TBC1D14: variants seen among roughly 807,000 people sequenced by gnomAD.
The protein encoded by TBC1D14 is TBC1 domain family member 14.
In TBC1D14, 26 loss-of-function variants were observed where a neutral mutation model predicts 79.0. That is an observed-to-expected ratio of 0.33 (90% CI 0.24 to 0.46). The LOEUF is 0.46. Ranked by LOEUF, TBC1D14 falls within the 20% of genes least tolerant of loss-of-function variation. The pLI is 1.00. For synonymous variants in TBC1D14, 394 were observed against 349.9 expected (o/e 1.13, Z -1.40); for missense variants, 769 against 887.6 (o/e 0.87, Z 1.70).
chr4:7,011,807 C>G (rs1720802319), intron 11 of TBC1D14, among the ~76,000 whole-genome samples: 1 of 151,812 alleles, frequency 6.6e-6, no homozygotes, highest in South Asian at 2.1e-4. Context: ...ATCCACCTGC[C>G]TCGGCCTCCC....
intron 3 of TBC1D14, chr4:6,987,387 C>A: frequency 1.4e-6 from 2 of 1,396,262 alleles, no homozygotes; most frequent in Non-Finnish European, 9.4e-7. Flanking sequence ...TCCCTGCGCC[C>A]CAGGCCTGCC....
chr4:6,972,805 G>A (rs4234792), intron 3 of TBC1D14, among the ~76,000 whole-genome samples: 147,236 of 152,274 alleles, frequency 0.97, 71,386 homozygotes, highest in Middle Eastern at 1. Context: ...TCAGGCTGCC[G>A]CCCTGTCTCC....
At chr4:6,945,164 T>C (rs1280990897) in intron 2 of TBC1D14, among the ~76,000 whole-genome samples, 2 of 152,090 alleles carry the variant, frequency 1.3e-5, no homozygotes, top group Non-Finnish European at 1.5e-5. Flanking sequence ...ATTTTCCATG[T>C]GAAAGGAGAC....
intron 1 of TBC1D14, among the ~76,000 whole-genome samples, chr4:6,921,997 G>T (rs1002345416): frequency 3.3e-5 from 5 of 152,130 alleles, no homozygotes; most frequent in African/African-American, 9.7e-5. Context: ...GCCCGGCCAT[G>T]CCAGAGAACT....
At chr4:6,944,721 C>A (rs1199171717) in intron 2 of TBC1D14, among the ~76,000 whole-genome samples, 2 of 152,182 alleles carry the variant, frequency 1.3e-5, no homozygotes, top group African/African-American at 2.4e-5. Flanking sequence ...TTACAGAATG[C>A]GGGGATGTCC....
At chr4:7,019,374 C>T (rs545602999) in intron 12 of TBC1D14, among the ~76,000 whole-genome samples, 41 of 151,964 alleles carry the variant, frequency 2.7e-4, no homozygotes, top group Non-Finnish European at 4.9e-4. Context: ...GGGAGGTTTC[C>T]GTTTCTGCTG....
rs1351979116 is a variant in TBC1D14 at position 6,977,854 on chromosome 4, G to A, written c.843+10430G>A. Among the ~76,000 whole-genome samples the A allele has an allele frequency of 3.3e-5, 5 of 149,916 alleles. No homozygotes were observed. In the South Asian group the frequency reaches 8.5e-4, roughly 25 times the overall value. ...AAGTGAGGAGCGTCTCTGCCCGGCC[G>A]CCCATCGTCTGAGATGTGGGGAGCG... On this transcript the variant is annotated intron_variant, in intron 3 of 13. Transcript: ENST00000409757.
intron 3 of TBC1D14, among the ~76,000 whole-genome samples, chr4:6,989,717 C>T (rs539352090): frequency 4.1e-4 from 62 of 152,282 alleles, no homozygotes; most frequent in African/African-American, 1.4e-3. Context: ...TTCCACATGG[C>T]CCCTTCCCTC....
chr4:6,958,643 C>T (rs545734427), intron 2 of TBC1D14, among the ~76,000 whole-genome samples: 27 of 152,244 alleles, frequency 1.8e-4, no homozygotes, highest in African/African-American at 5.8e-4. Context: ...CTATGTTGCC[C>T]AGGCTATTCT....
intron 2 of TBC1D14, among the ~76,000 whole-genome samples, chr4:6,928,209 T>C (rs1438444253): frequency 6.6e-6 from 1 of 151,978 alleles, no homozygotes; most frequent in Non-Finnish European, 1.5e-5. Context: ...CCAGTGAAGG[T>C]GTGGGGCAGA....
rs890929547 is a variant in TBC1D14, at chr4:6,954,172, G to A, written c.723-13132G>A. On this transcript the variant is annotated intron_variant, in intron 2 of 13. Coordinates refer to ENST00000409757, the MANE Select transcript of TBC1D14 (RefSeq NM_020773.3). Reference sequence around the variant, plus strand: ...CAGCTTGCCTTCATCTGGCAGACGCGAGGGGCGGGGCTCCGAGTGCACCCA... The same window carrying A: ...CAGCTTGCCTTCATCTGGCAGACGCAAGGGGCGGGGCTCCGAGTGCACCCA... 53 of 646,472 alleles carry A rather than the reference G, an allele frequency of 8.2e-5. 1 individual carries two copies. The Admixed American group carries it at 1.1e-3, about 14-fold the overall frequency. 40.0% of individuals were successfully genotyped at this position (646,472 alleles called of 1,614,324 possible). A position where few individuals can be genotyped will look rare whatever the true frequency, so the allele number is the denominator to read the frequency against.
At position 6,978,157 on chromosome 4, in the gene TBC1D14, G is replaced by A. The variant is rs1348759158; in HGVS notation, c.843+10733G>A. 9.4e-3 allele frequency among the ~76,000 whole-genome samples: 1,423 copies of A among 150,622 alleles called. 8 individuals are homozygous for A. The highest frequency in any genetic ancestry group is 0.033 in the African/African-American group (1,335 of 40,506). On this transcript the variant is annotated intron_variant, in intron 3 of 13. Transcript: ENST00000409757. ...CCGCCCGGCTAGCCGCCCCGTCCGG[G>A]AGGTGAGGGGCGCCTCTGCCCGGCC...
chr4:6,925,647 T>C (rs1419847639), intron 2 of TBC1D14, among the ~76,000 whole-genome samples: 3 of 152,240 alleles, frequency 2.0e-5, no homozygotes. Context: ...CTTGGTACCA[T>C]GAGCACAGTT....
chr4:6,953,651 A>AAAAAAAC, intron 2 of TBC1D14, among the ~76,000 whole-genome samples: 1 of 149,930 alleles, frequency 6.7e-6, no homozygotes, highest in Non-Finnish European at 1.5e-5. Flanking sequence ...AAAAAAAAAA[A>AAAAAAAC]GAATAGATCA....
intron 3 of TBC1D14, among the ~76,000 whole-genome samples, chr4:6,976,257 G>T (rs1286239619): frequency 1.3e-5 from 2 of 152,102 alleles, no homozygotes; most frequent in South Asian, 2.1e-4. Context: ...GACAACTATT[G>T]GAGTAAATGA....
intron 2 of TBC1D14, among the ~76,000 whole-genome samples, chr4:6,936,722 C>T (rs777029880): frequency 3.8e-4 from 58 of 152,156 alleles, no homozygotes; most frequent in African/African-American, 1.3e-3. Context: ...TCCAAAGGGG[C>T]GATACCATTT....
intron 3 of TBC1D14, among the ~76,000 whole-genome samples, chr4:6,981,905 A>G (rs2109100113): frequency 6.6e-6 from 1 of 152,360 alleles, no homozygotes; most frequent in East Asian, 1.9e-4. Flanking sequence ...AAACAGCTAC[A>G]GCTAACATGC....
intron 1 of TBC1D14, among the ~76,000 whole-genome samples, chr4:6,913,801 G>A (rs1723184235): frequency 6.6e-6 from 1 of 152,154 alleles, no homozygotes; most frequent in African/African-American, 2.4e-5. Context: ...ATCACTAAGT[G>A]AAGCTGAAAC....
chr4:7,012,514 A>G (rs935413100), intron 11 of TBC1D14, among the ~76,000 whole-genome samples: 6 of 152,236 alleles, frequency 3.9e-5, no homozygotes, highest in African/African-American at 9.6e-5. Context: ...ACTTATTTAC[A>G]ATTGTAAATG....
Sources: gnomAD v4.1 joint callset for allele counts (sites outside exome capture counted in the v4.1 genomes callset) on GRCh38, gnomAD v4.1.1 for gene constraint, MANE v1.5 for transcripts, NCBI Gene and HGNC (gene_info 2026-07-23, HGNC 2026-07-21) for gene names.